KRT8: variants seen among roughly 807,000 people sequenced by gnomAD.
KRT8 encodes keratin 8, also known as keratin, type II cytoskeletal 8.
KRT8 carries 24 observed loss-of-function variants against 43.0 expected under a neutral mutation model. That is an observed-to-expected ratio of 0.56 (90% CI 0.40 to 0.78). KRT8 has a LOEUF of 0.78. KRT8 is among the 30% of genes least tolerant of loss of function. KRT8 has a pLI of 0.00. For missense variants in KRT8, 492 were observed against 638.4 expected, an observed-to-expected ratio of 0.77 and a Z score of 2.47; for synonymous variants, 214 against 261.2, an observed-to-expected ratio of 0.82 and a Z score of 1.74.
upstream of KRT8, among the ~76,000 whole-genome samples, chr12:52,911,351 CA>C (rs143605202): frequency 2.0e-5 from 3 of 147,400 alleles, no homozygotes; most frequent in African/African-American, 5.0e-5. Context: ...GACTCCGTCT[CA>C]AAAAAAAAAG....
At chr12:52,934,929 A>G (rs1942141876) in intron 2 of KRT8, among the ~76,000 whole-genome samples, 1 of 151,892 alleles carries the variant, frequency 6.6e-6, no homozygotes, top group African/African-American at 2.4e-5. Flanking sequence ...AGGTCGCACC[A>G]TTGCACCCTA....
At chr12:52,898,430 C>G in intron 7 of KRT8, 31 bp downstream of exon 7, 8 of 1,600,460 alleles carry the variant, frequency 5.0e-6, no homozygotes, top group Non-Finnish European at 6.8e-6. Flanking sequence ...CCCTGCCTCC[C>G]GCCCTCATCC....
At chr12:52,925,820 A>G (rs1267095710) in intron 2 of KRT8, among the ~76,000 whole-genome samples, 1 of 152,080 alleles carries the variant, frequency 6.6e-6, no homozygotes, top group East Asian at 1.9e-4. Context: ...TCTATCTTAG[A>G]GGACAGGAGG....
At chr12:52,909,800 T>A (rs572821986), upstream of KRT8, among the ~76,000 whole-genome samples, 2 of 152,320 alleles carry the variant, frequency 1.3e-5, no homozygotes, top group South Asian at 4.1e-4. Context: ...CTGTGAATGT[T>A]CTCTGGTTTG....
chr12:52,923,853 A>AC (rs941067704), intron 2 of KRT8, among the ~76,000 whole-genome samples: 1 of 148,386 alleles, frequency 6.7e-6, no homozygotes, highest in Non-Finnish European at 1.5e-5. Flanking sequence ...AGCATTATAT[A>AC]TTTTTTTTTT....
At chr12:52,901,653 G>C in intron 2 of KRT8, 1 of 606,068 alleles carries the variant, frequency 1.6e-6, no homozygotes, top group Admixed American at 2.8e-5. Context: ...CCAGACAGTT[G>C]AGATTGAAAG....
intron 7 of KRT8, among the ~76,000 whole-genome samples, chr12:52,898,213 TA>T (rs1941263870): frequency 6.6e-6 from 1 of 152,168 alleles, no homozygotes; most frequent in African/African-American, 2.4e-5. Context: ...ATAAAACCTG[TA>T]GGATACTTAG....
intron 2 of KRT8, among the ~76,000 whole-genome samples, chr12:52,923,958 C>T (rs1555188856): frequency 6.6e-6 from 1 of 151,322 alleles, no homozygotes; most frequent in Non-Finnish European, 1.5e-5. Flanking sequence ...GATTCTCCTG[C>T]CTCAGCCTCC....
intron 2 of KRT8, among the ~76,000 whole-genome samples, chr12:52,938,170 A>ATATATATATATTTTT (rs1555189967): frequency 9.9e-5 from 3 of 30,302 alleles, no homozygotes; most frequent in African/African-American, 4.3e-4. Flanking sequence ...ATATATATAT[A>ATATATATATATTTTT]TTTTTTTTTT....
At chr12:52,949,654 C>T (rs779278530) in intron 1 of KRT8, 45 of 1,424,668 alleles carry the variant, frequency 3.2e-5, no homozygotes, top group Middle Eastern at 3.5e-4. Context: ...CACTCCTTTG[C>T]CTCTTTCCGT....
At chr12:52,903,629 G>A (rs966135367) in intron 1 of KRT8, 10 of 152,238 alleles carry the variant, frequency 6.6e-5, no homozygotes, top group African/African-American at 1.9e-4. Context: ...AACCCGGCCT[G>A]GCTCCTGCTG....
At chr12:52,918,819 C>T (rs948090017) in intron 2 of KRT8, among the ~76,000 whole-genome samples, 2 of 152,156 alleles carry the variant, frequency 1.3e-5, no homozygotes, top group Non-Finnish European at 2.9e-5. Flanking sequence ...TCCCTCACCA[C>T]CTTCAGACCA....
chr12:52,949,570 A>G (rs1942435549), exon 2 of KRT8: 2 of 1,613,540 alleles, frequency 1.2e-6, no homozygotes, highest in African/African-American at 1.3e-5. Flanking sequence ...CTTCAAGATC[A>G]TCGAGGACCT....
At chr12:52,918,039 A>AAGAAGG (rs1941783083) in intron 2 of KRT8, among the ~76,000 whole-genome samples, 1 of 118,796 alleles carries the variant, frequency 8.4e-6, no homozygotes, top group Non-Finnish European at 1.7e-5. Flanking sequence ...GGAGGAGGAG[A>AAGAAGG]AGAAGAAGAA....
intron 2 of KRT8, chr12:52,926,336 T>TCCCCCCCCCC: frequency 7.8e-6 from 3 of 385,522 alleles, no homozygotes; most frequent in Non-Finnish European, 1.5e-5. Context: ...CTAGCTGCCC[T>TCCCCCCCCCC]CCCCACCCCA....
chr12:52,906,897 A>T (rs983246692), upstream of KRT8: 10 of 383,182 alleles, frequency 2.6e-5, no homozygotes, highest in Non-Finnish European at 4.7e-5. Context: ...CCTACCCAGA[A>T]GGACAGAGAG....
At position 52,898,904 on chromosome 12, in the gene KRT8, G is replaced by A. The variant is rs750978643; in HGVS notation, c.982-5C>T. 1.2e-6 allele frequency: 2 copies of A among 1,612,920 alleles called. No individual in the cohort carries two copies. The highest frequency in any genetic ancestry group is 1.7e-6 in the Non-Finnish European group (2 of 1,179,920). ...GGCGGCCTCCAGGGAAGCCCTCTGT[G>A]GGGTAGGGGACAGGTAAGTAGGTCA... On this transcript the variant is annotated splice_region_variant and splice_polypyrimidine_tract_variant and intron_variant, in intron 5 of 7. Transcript: ENST00000692008.
intron 2 of KRT8, among the ~76,000 whole-genome samples, chr12:52,934,488 A>T (rs1440566516): frequency 2.0e-5 from 3 of 152,188 alleles, no homozygotes; most frequent in Non-Finnish European, 4.4e-5. Context: ...TGAACCCAGT[A>T]GGCAGAGGTT....
chr12:52,916,878 G>T (rs1314645067), intron 2 of KRT8, among the ~76,000 whole-genome samples: 1 of 152,166 alleles, frequency 6.6e-6, no homozygotes, highest in Non-Finnish European at 1.5e-5. Flanking sequence ...AGGAGAATGG[G>T]CACCATATTC....
Sources: allele counts gnomAD v4.1 joint callset (sites outside exome capture counted in the v4.1 genomes callset), GRCh38; gene constraint gnomAD v4.1.1; transcripts MANE v1.5; gene names NCBI Gene and HGNC (gene_info 2026-07-23, HGNC 2026-07-21).